Variants in DNAH8 observed in about 807,000 individuals in gnomAD.
The protein encoded by DNAH8 is axonemal beta dynein heavy chain 8.
Under a neutral mutation model 562.1 loss-of-function variants are expected in DNAH8, and 382 were observed. The observed-to-expected ratio is 0.68, with a 90% confidence interval of 0.63 to 0.74. The LOEUF (loss-of-function observed/expected upper bound fraction) is 0.74, where lower values mean the gene tolerates loss of function less well. Ranked by LOEUF, DNAH8 falls within the 30% of genes least tolerant of loss-of-function variation. The pLI is 0.00. For synonymous variants in DNAH8, 1,881 were observed against 1,919.4 expected, an observed-to-expected ratio of 0.98 and a Z score of 0.52; for missense variants, 5,203 against 5,620.4, an observed-to-expected ratio of 0.93 and a Z score of 2.37.
intron 64 of DNAH8, 46 bp from the exon 65 acceptor site, chr6:38,909,472 A>C (rs780790554): frequency 8.9e-6 from 14 of 1,578,706 alleles, no homozygotes; most frequent in Non-Finnish European, 1.2e-5. Flanking sequence ...TGGCTGACTT[A>C]TAACCCCTCT....
At position 38,732,950 on chromosome 6, in the gene DNAH8, A is replaced by G. The variant is rs151000546; in HGVS notation, c.611-1524A>G. Among the ~76,000 whole-genome samples the G allele has an allele frequency of 2.6e-3, 392 of 152,112 alleles. 2 individuals carry two copies. The highest frequency in any genetic ancestry group is 9.1e-3 in the African/African-American group (376 of 41,508). On this transcript the variant is annotated intron_variant, in intron 4 of 92. Transcript: ENST00000327475. ...GTTGCCCAGGCTGGAGTGCAGTGGC[A>G]TGATCATGGCTTATTGCACTCTTGA...
At position 38,875,778 on chromosome 6, in the gene DNAH8, T is replaced by C; in HGVS notation, c.7808T>C (p.Ile2603Thr). Residue 2603 changes from isoleucine to threonine, a missense_variant, in exon 53 of 93, where the codon ATA becomes ACA. Ile to Thr is a moderately conservative substitution (Grantham distance 89). This residue lies in a region of DNAH8 where 977 missense variants were observed against 1,061.8 expected (regional missense o/e 0.92). Transcript: ENST00000327475. ...QHESKLDLPEIPKGSNQTMYE... is the reference protein window; with the variant it reads ...QHESKLDLPETPKGSNQTMYE... ...GAAAGCAAGTTGGACTTACCAGAAA[T>C]ACCTAAAGGCTCAAATCAAACCATG... 1.9e-6 allele frequency: 3 copies of C among 1,613,980 alleles called. No individual in the cohort carries two copies. The South Asian group carries it at 3.3e-5, about 18-fold the overall frequency.
intron 13 of DNAH8, among the ~76,000 whole-genome samples, chr6:38,776,631 A>G (rs189319363): frequency 3.5e-4 from 53 of 152,304 alleles, no homozygotes; most frequent in African/African-American, 1.2e-3. Flanking sequence ...ACAGATTAGG[A>G]AGATGGATCA....
intron 24 of DNAH8, among the ~76,000 whole-genome samples, chr6:38,812,499 G>A (rs1186458948): frequency 6.6e-6 from 1 of 152,190 alleles, no homozygotes; most frequent in Non-Finnish European, 1.5e-5. Context: ...TTGGTCTTCT[G>A]GGATCAGAAT....
rs1775647175 is a variant in DNAH8, at chr6:38,850,388, G to A, written c.5337G>A (p.Leu1779=). Residue 1779 remains leucine, a synonymous_variant, in exon 38 of 93, where the codon TTG becomes TTA. Coordinates refer to ENST00000327475, the MANE Select transcript of DNAH8 (RefSeq NM_001206927.2). ...TTTTACCTCATTTACATGAGCAGTT[G>A]GAAGTATGTCAGAAGTCACTCACAG... The part of the protein sequence containing the change: ...GQLLPHLHEQ[L]EVCQKSLTGY... The A allele has an allele frequency of 6.2e-7, 1 of 1,613,066 alleles. No individual in the cohort carries two copies. Among genetic ancestry groups the A allele is most frequent in the Non-Finnish European group, 8.5e-7 (1 of 1,179,514 alleles).
intron 11 of DNAH8, among the ~76,000 whole-genome samples, chr6:38,762,646 T>C (rs1172551888): frequency 1.3e-5 from 2 of 152,210 alleles, no homozygotes; most frequent in Admixed American, 6.5e-5. Flanking sequence ...TAAAGTGACC[T>C]GTTCATTGAA....
intron 81 of DNAH8, 53 bp downstream of exon 81, chr6:38,949,623 T>C: frequency 9.2e-7 from 1 of 1,081,560 alleles, no homozygotes; most frequent in South Asian, 1.4e-5. Flanking sequence ...ATTGCTAAAT[T>C]ACAGATTTTA....
intron 81 of DNAH8, 136 bp downstream of exon 81, chr6:38,949,706 A>G (rs997681379): frequency 3.2e-6 from 2 of 615,440 alleles, no homozygotes; most frequent in South Asian, 2.2e-5. Flanking sequence ...TTTTGTGCCA[A>G]CCTAATATTA....
chr6:38,983,340 C>T (rs925713840), intron 86 of DNAH8, among the ~76,000 whole-genome samples: 6 of 152,106 alleles, frequency 3.9e-5, no homozygotes, highest in African/African-American at 1.4e-4. Context: ...CTGAAGCTTC[C>T]GTAATGGGGT....
chr6:38,833,927 TGGGAGTAGC>T (rs1272782364), intron 31 of DNAH8, among the ~76,000 whole-genome samples: 2 of 152,342 alleles, frequency 1.3e-5, no homozygotes, highest in East Asian at 3.9e-4. Flanking sequence ...ATTTTTCCAT[TGGGAGTAGC>T]CCCTGTTATT....
intron 80 of DNAH8, among the ~76,000 whole-genome samples, chr6:38,948,632 T>C (rs1761627196): frequency 6.6e-6 from 1 of 152,216 alleles, no homozygotes; most frequent in African/African-American, 2.4e-5. Context: ...CTGTGTACTG[T>C]GGCTTTTTTA....
At chr6:38,841,112 TAC>T (rs1774743421) in intron 33 of DNAH8, among the ~76,000 whole-genome samples, 2 of 152,146 alleles carry the variant, frequency 1.3e-5, no homozygotes, top group Non-Finnish European at 2.9e-5. Flanking sequence ...CTACTACGCC[TAC>T]ATGGTAATTA....
At chr6:38,835,532 A>G (rs1263143725) in intron 32 of DNAH8, among the ~76,000 whole-genome samples, 2 of 152,208 alleles carry the variant, frequency 1.3e-5, no homozygotes, top group Non-Finnish European at 2.9e-5. Context: ...AGGCTTCCTG[A>G]AAGAGGAAGA....
chr6:38,969,619 A>G (rs948866094), intron 82 of DNAH8, among the ~76,000 whole-genome samples: 4 of 145,792 alleles, frequency 2.7e-5, no homozygotes, highest in Admixed American at 2.1e-4. Context: ...GGGAACACCA[A>G]TGAGGCTGGG....
intron 91 of DNAH8, among the ~76,000 whole-genome samples, chr6:39,020,762 C>T (rs1766864422): frequency 6.6e-6 from 1 of 152,012 alleles, no homozygotes; most frequent in African/African-American, 2.4e-5. Context: ...AGTGAGAACA[C>T]GCGGTGTTTG....
rs1245593714 is a variant in DNAH8 at position 38,938,907 on chromosome 6, C to T, written c.11926C>T (p.Leu3976=). ...VRGLYENHKF[L]FVLLMTLKID... ...AGGCCTATACGAAAACCACAAATTCCTGTTTGTACTCCTCATGACCTTAAA... is the reference window on the plus strand; with the variant it reads ...AGGCCTATACGAAAACCACAAATTCTTGTTTGTACTCCTCATGACCTTAAA... Residue 3976 remains leucine (L), a synonymous_variant, in exon 79 of 93, where the codon CTG becomes TTG. Coordinates refer to ENST00000327475, the MANE Select transcript of DNAH8 (RefSeq NM_001206927.2). The T allele has an allele frequency of 6.2e-7, 1 of 1,613,738 alleles. No individual in the cohort carries two copies. The highest frequency in any genetic ancestry group is 8.5e-7 in the Non-Finnish European group (1 of 1,179,838).
intron 87 of DNAH8, among the ~76,000 whole-genome samples, chr6:38,985,955 T>A (rs1423671616): frequency 6.6e-6 from 1 of 152,156 alleles, no homozygotes; most frequent in Non-Finnish European, 1.5e-5. Flanking sequence ...GAGTGGCACA[T>A]CATAGCATCC....
intron 65 of DNAH8, 62 bp downstream of exon 65, chr6:38,909,806 G>A (rs1007165012): frequency 3.9e-6 from 5 of 1,274,416 alleles, no homozygotes; most frequent in Non-Finnish European, 5.7e-6. Context: ...CAAGAGGAAT[G>A]CATTGTAACA....
Position 38,902,225 on chromosome 6 carries a change from C to T in DNAH8, c.9194+2319C>T, listed in dbSNP as rs1780125789. On this transcript the variant is annotated intron_variant, in intron 62 of 92. Coordinates refer to ENST00000327475, the MANE Select transcript of DNAH8 (RefSeq NM_001206927.2). Reference sequence around the variant, plus strand: ...TCTGCTGACTGGGGAGAGACTGACCCTTCTAGGTTAGCCAATTCTTAGAGA... The same window carrying T: ...TCTGCTGACTGGGGAGAGACTGACCTTTCTAGGTTAGCCAATTCTTAGAGA... Among the ~76,000 whole-genome samples the T allele has an allele frequency of 3.9e-5, 6 of 152,172 alleles. No homozygotes were observed. The South Asian group carries it at 1.2e-3, about 32-fold the overall frequency.
Sources: gnomAD v4.1 joint callset for allele counts (sites outside exome capture counted in the v4.1 genomes callset) on GRCh38, gnomAD v4.1.1 for gene constraint, gnomAD v4.1.1 regional missense constraint, MANE v1.5 for transcripts, NCBI Gene and HGNC (gene_info 2026-07-23, HGNC 2026-07-21) for gene names.